Variants in FRYL observed in about 807,000 individuals in gnomAD.
FRYL encodes FRY like transcription coactivator, also known as protein furry homolog-like.
FRYL carries 150 observed loss-of-function variants against 351.2 expected under a neutral mutation model. The observed-to-expected ratio is 0.43, with a 90% confidence interval of 0.37 to 0.49. The LOEUF is 0.49. Ranked by LOEUF, FRYL falls within the 20% of genes least tolerant of loss-of-function variation. FRYL has a pLI of 0.00. For missense variants in FRYL, 3,036 were observed against 3,619.3 expected, an observed-to-expected ratio of 0.84 and a Z score of 4.13; for synonymous variants, 1,153 against 1,257.1, an observed-to-expected ratio of 0.92 and a Z score of 1.75.
At chr4:48,772,939 C>T (rs1431992734) in intron 1 of FRYL, among the ~76,000 whole-genome samples, 2 of 152,310 alleles carry the variant, frequency 1.3e-5, no homozygotes, top group East Asian at 1.9e-4. Context: ...TGTCATCCAA[C>T]AGTGGGATGT....
chr4:48,563,315 A>C (rs1413447681), intron 31 of FRYL, among the ~76,000 whole-genome samples: 2 of 152,128 alleles, frequency 1.3e-5, no homozygotes, highest in Non-Finnish European at 2.9e-5. Context: ...AATTTTTGTA[A>C]TATCCACCAC....
intron 3 of FRYL, among the ~76,000 whole-genome samples, chr4:48,680,456 A>T (rs1442370003): frequency 6.6e-6 from 1 of 151,970 alleles, no homozygotes; most frequent in African/African-American, 2.4e-5. Context: ...AGGATTACAC[A>T]TAACAAAAAT....
At chr4:48,647,115 C>T (rs1756657957) in intron 3 of FRYL, among the ~76,000 whole-genome samples, 2 of 152,136 alleles carry the variant, frequency 1.3e-5, no homozygotes, top group African/African-American at 4.8e-5. Flanking sequence ...CCAATAATTA[C>T]AGATGGAGGC....
intron 14 of FRYL, 41 bp from the exon 15 acceptor site, chr4:48,595,739 C>A: frequency 3.0e-6 from 4 of 1,354,468 alleles, no homozygotes; most frequent in Non-Finnish European, 4.2e-6. Context: ...ATCATAACAT[C>A]AACAGCATAT....
intron 1 of FRYL, among the ~76,000 whole-genome samples, chr4:48,711,978 C>G (rs1004256339): frequency 1.3e-5 from 2 of 152,158 alleles, no homozygotes; most frequent in African/African-American, 4.8e-5. Context: ...GGACCTTTAG[C>G]AAACTCCAAC....
intron 53 of FRYL, among the ~76,000 whole-genome samples, chr4:48,525,759 G>A (rs1361458013): frequency 6.6e-6 from 1 of 152,078 alleles, no homozygotes; most frequent in Non-Finnish European, 1.5e-5. Flanking sequence ...GTTGATGGAT[G>A]TGTATGATCT....
intron 3 of FRYL, among the ~76,000 whole-genome samples, chr4:48,674,693 C>A (rs1384320722): frequency 2.4e-5 from 3 of 124,494 alleles, no homozygotes; most frequent in Non-Finnish European, 4.7e-5. Context: ...GCCAAGATCG[C>A]TCCACTGCAC....
intron 51 of FRYL, 38 bp downstream of exon 51, chr4:48,528,137 T>C: frequency 1.3e-6 from 2 of 1,591,020 alleles, no homozygotes; most frequent in Non-Finnish European, 1.7e-6. Flanking sequence ...CTGATTCTTC[T>C]GTTCTATGAA....
At chr4:48,632,128 A>ATATG (rs1753324033) in intron 4 of FRYL, among the ~76,000 whole-genome samples, 2 of 130,132 alleles carry the variant, frequency 1.5e-5, no homozygotes, top group Non-Finnish European at 3.2e-5. Flanking sequence ...ATATATATAT[A>ATATG]TGCGCACACA....
At position 48,540,331 on chromosome 4, in the gene FRYL, G is replaced by A. The variant is rs761194130; in HGVS notation, c.6295+22C>T. 6 of 1,600,698 alleles carry A rather than the reference G, an allele frequency of 3.7e-6. No individual in the cohort carries two copies. The Admixed American group carries it at 6.8e-5, about 18-fold the overall frequency. On this transcript the variant is annotated intron_variant, in intron 46 of 63. Transcript: ENST00000358350. ...TTTACTGCATAAAATGCAAAGTGCT[G>A]GTGCAATTATATTAACATCACCTGA...
rs1051398563 is a variant in FRYL at position 48,563,989 on chromosome 4, C to T, written c.3555G>A (p.Ala1185=). Residue 1185 remains alanine (A), a synonymous_variant, in exon 31 of 64, where the codon GCG becomes GCA. Coordinates refer to ENST00000358350, the MANE Select transcript of FRYL (RefSeq NM_015030.2). ...TAGCAATGGCTTTAAAGCAGCCGGC[C>T]GCCACCCTCCCGGAGCCCGTGTAGC... ...DRCYTGSGRV[A]AGCFKAIANV... 2.4e-5 allele frequency: 39 copies of T among 1,613,972 alleles called. No homozygotes were observed. Among genetic ancestry groups the T allele is most frequent in the South Asian group, 4.4e-5 (4 of 91,082 alleles).
chr4:48,568,773 T>C lies in FRYL; in HGVS notation c.2997-1353A>G, dbSNP rs1352194719. On this transcript the variant is annotated intron_variant, in intron 27 of 63. Transcript: ENST00000358350. ...TTTTTTCCTTTATTCCTTAAATGAGTGTTTTTCAAGCTCTGGATCATGACC... is the reference window on the plus strand; with the variant it reads ...TTTTTTCCTTTATTCCTTAAATGAGCGTTTTTCAAGCTCTGGATCATGACC... 2.0e-5 allele frequency among the ~76,000 whole-genome samples: 3 copies of C among 152,158 alleles called. No individual in the cohort carries two copies. In the East Asian group the frequency reaches 5.8e-4, roughly 29 times the overall value.
chr4:48,754,674 T>TTG lies in FRYL; in HGVS notation c.-384+25403_-384+25404insCA, dbSNP rs1553882575. On this transcript the variant is annotated intron_variant, in intron 1 of 63. Coordinates refer to ENST00000358350, the MANE Select transcript of FRYL (RefSeq NM_015030.2). ...TTTCTGGGGTTTTTTTGGGGTTTTT[T>TTG]TTTTTTTTTTTAAATGAGAGTCTCA... is the stretch of plus-strand genomic sequence containing the variant. Among the ~76,000 whole-genome samples the TTG allele has an allele frequency of 2.3e-4, 34 of 150,966 alleles. 1 individual carries two copies. Among genetic ancestry groups the TTG allele is most frequent in the Non-Finnish European group, 4.6e-4 (31 of 67,678 alleles).
At position 48,573,259 on chromosome 4, in the gene FRYL, T is replaced by C. The variant is rs1738770798; in HGVS notation, c.2847-16A>G. 1 of 1,538,394 alleles carries C rather than the reference T, an allele frequency of 6.5e-7. No homozygotes were observed. The highest frequency in any genetic ancestry group is 9.0e-7 in the Non-Finnish European group (1 of 1,111,444). On this transcript the variant is annotated splice_polypyrimidine_tract_variant and intron_variant, in intron 25 of 63. Coordinates refer to ENST00000358350, the MANE Select transcript of FRYL (RefSeq NM_015030.2). ...TATTAGTTCCCTGGAAGAAAAATGG[T>C]ACATATTCTATTAATAGCTACACAG...
At chr4:48,625,915 A>T (rs1237410041) in intron 4 of FRYL, among the ~76,000 whole-genome samples, 3 of 152,198 alleles carry the variant, frequency 2.0e-5, no homozygotes, top group Non-Finnish European at 4.4e-5. Context: ...TATATATCAT[A>T]CATTAATATG....
chr4:48,527,445 T>C, intron 53 of FRYL, 32 bp downstream of exon 53: 1 of 1,556,906 alleles, frequency 6.4e-7, no homozygotes, highest in East Asian at 2.2e-5. Context: ...AACTGTTCTA[T>C]AAATATTAAC....
Position 48,593,255 on chromosome 4 carries a change from T to TA in FRYL, c.1335+674dup, listed in dbSNP as rs1175287059. ...CACCTTAAATATAAACAATGTGAAGTAAAAAAAAAAACAACCAAAAAAAAA... is the reference window on the plus strand; with the variant it reads ...CACCTTAAATATAAACAATGTGAAGTAAAAAAAAAAAACAACCAAAAAAAAA... On this transcript the variant is annotated intron_variant, in intron 16 of 63. Coordinates refer to ENST00000358350, the MANE Select transcript of FRYL (RefSeq NM_015030.2). Among the ~76,000 whole-genome samples, 320 of 38,604 alleles carry TA rather than the reference T, an allele frequency of 8.3e-3. 1 individual carries two copies. The highest frequency in any genetic ancestry group is 0.018 in the Middle Eastern group (1 of 56). 25.3% of individuals were successfully genotyped at this position (38,604 alleles called of 152,430 possible). A position where few individuals can be genotyped will look rare whatever the true frequency, so the allele number is the denominator to read the frequency against.
At chr4:48,648,688 C>T (rs941222455) in intron 3 of FRYL, among the ~76,000 whole-genome samples, 5 of 152,056 alleles carry the variant, frequency 3.3e-5, no homozygotes, top group South Asian at 2.1e-4. Flanking sequence ...ATGTATCCAT[C>T]CAATGGAACA....
At position 48,756,916 on chromosome 4, in the gene FRYL, C is replaced by G. The variant is rs528001041; in HGVS notation, c.-384+23162G>C. 2.6e-5 allele frequency among the ~76,000 whole-genome samples: 4 copies of G among 152,266 alleles called. No homozygotes were observed. In the East Asian group the frequency reaches 7.7e-4, roughly 29 times the overall value. On this transcript the variant is annotated intron_variant, in intron 1 of 63. Transcript: ENST00000358350. ...TGAGCCATGATTGCGCCACTGCACTCCAGCCTGGGCTACGGAGTGAGACTC... is the reference window on the plus strand; with the variant it reads ...TGAGCCATGATTGCGCCACTGCACTGCAGCCTGGGCTACGGAGTGAGACTC...
Sources: allele counts gnomAD v4.1 joint callset (sites outside exome capture counted in the v4.1 genomes callset), GRCh38; gene constraint gnomAD v4.1.1; transcripts MANE v1.5; gene names NCBI Gene and HGNC (gene_info 2026-07-23, HGNC 2026-07-21).